Variants in RFFL observed in about 807,000 individuals in gnomAD.
RFFL encodes the protein ring finger and FYVE like domain containing E3 ubiquitin protein ligase.
A neutral mutation model predicts 40.4 loss-of-function variants in RFFL; 16 were observed. The observed-to-expected ratio is 0.40, with a 90% confidence interval of 0.27 to 0.60. The LOEUF is 0.60. Ranked by LOEUF, RFFL falls within the 20% of genes least tolerant of loss-of-function variation. RFFL has a pLI of 0.47. For missense variants in RFFL, 367 were observed against 451.7 expected, an observed-to-expected ratio of 0.81 and a Z score of 1.70; for synonymous variants, 154 against 167.9, an observed-to-expected ratio of 0.92 and a Z score of 0.64.
intron 1 of RFFL, among the ~76,000 whole-genome samples, chr17:35,052,108 A>T (rs1436176196): frequency 1.3e-5 from 2 of 152,194 alleles, no homozygotes; most frequent in Non-Finnish European, 2.9e-5. Flanking sequence ...TGAGGATTCA[A>T]TATTAACGGT....
chr17:35,085,338 T>A (rs898873950), intron 1 of RFFL, among the ~76,000 whole-genome samples: 2 of 152,240 alleles, frequency 1.3e-5, no homozygotes, highest in African/African-American at 4.8e-5. Context: ...GTAAAGTTAA[T>A]AAAGACTTTC....
chr17:35,080,977 CAT>C (rs2091400880), intron 1 of RFFL, among the ~76,000 whole-genome samples: 1 of 152,240 alleles, frequency 6.6e-6, no homozygotes, highest in Non-Finnish European at 1.5e-5. Context: ...AGTCAGATAA[CAT>C]TAGCTCAACA....
chr17:35,033,917 C>T lies in RFFL; in HGVS notation c.-8-7356G>A, dbSNP rs928489641. 3.3e-5 allele frequency among the ~76,000 whole-genome samples: 5 copies of T among 151,782 alleles called. No individual in the cohort carries two copies. In the East Asian group the frequency reaches 9.7e-4, roughly 30 times the overall value. ...CAGCACTCTGGGAGGCCGAGGTGGG[C>T]GGATCACGAGGTCAGGAGATCGAGA... is the stretch of plus-strand genomic sequence containing the variant. On this transcript the variant is annotated intron_variant, in intron 1 of 6. Transcript: ENST00000394597.
At chr17:35,045,923 G>C (rs1166669959) in intron 1 of RFFL, among the ~76,000 whole-genome samples, 3 of 151,870 alleles carry the variant, frequency 2.0e-5, no homozygotes, top group Non-Finnish European at 4.4e-5. Flanking sequence ...CTACTCGGGA[G>C]GCTGAGGCAG....
At chr17:35,075,896 G>A (rs1453745343) in intron 1 of RFFL, among the ~76,000 whole-genome samples, 1 of 150,800 alleles carries the variant, frequency 6.6e-6, no homozygotes, top group Non-Finnish European at 1.5e-5. Context: ...TACAGGCCAA[G>A]AAGTTAGAAA....
intron 1 of RFFL, among the ~76,000 whole-genome samples, chr17:35,062,775 C>T (rs1231968653): frequency 2.0e-5 from 3 of 152,234 alleles, no homozygotes; most frequent in South Asian, 2.1e-4. Context: ...GTGACGACTA[C>T]CTAGAGATAT....
intron 1 of RFFL, among the ~76,000 whole-genome samples, chr17:35,083,680 C>T (rs1048476070): frequency 1.3e-5 from 2 of 151,402 alleles, no homozygotes; most frequent in Non-Finnish European, 2.9e-5. Context: ...ACTTGGGAGG[C>T]TGAGGCAGGA....
At position 35,014,791 on chromosome 17, in the gene RFFL, A is replaced by G; in HGVS notation, c.887-28T>C. 3.1e-6 allele frequency: 5 copies of G among 1,607,594 alleles called. No homozygotes were observed. In the South Asian group the frequency reaches 3.3e-5, roughly 11 times the overall value. Reference sequence around the variant, plus strand: ...GAAAAGGAAAGAGAAGGATGTCTGAATAGGTAAGGCATGATGGTACAAATA... The same window carrying G: ...GAAAAGGAAAGAGAAGGATGTCTGAGTAGGTAAGGCATGATGGTACAAATA... On this transcript the variant is annotated intron_variant, in intron 5 of 6. Transcript: ENST00000394597.
chr17:35,067,591 G>A (rs1246232677), upstream of RFFL, among the ~76,000 whole-genome samples: 5 of 150,010 alleles, frequency 3.3e-5, no homozygotes, highest in Non-Finnish European at 7.4e-5. Flanking sequence ...TCAAGTAGGT[G>A]GGATTACTAT....
intron 1 of RFFL, among the ~76,000 whole-genome samples, chr17:35,083,686 C>A (rs2142388886): frequency 6.6e-6 from 1 of 151,142 alleles, no homozygotes; most frequent in African/African-American, 2.4e-5. Context: ...GAGGCTGAGG[C>A]AGGAGAACTG....
At chr17:35,024,295 C>T (rs1166780836) in intron 2 of RFFL, among the ~76,000 whole-genome samples, 1 of 152,138 alleles carries the variant, frequency 6.6e-6, no homozygotes, top group African/African-American at 2.4e-5. Context: ...AACCTTAGCA[C>T]AAAGTGGATG....
intron 1 of RFFL, among the ~76,000 whole-genome samples, chr17:35,072,080 A>G (rs2091353513): frequency 6.6e-6 from 1 of 152,164 alleles, no homozygotes; most frequent in Non-Finnish European, 1.5e-5. Flanking sequence ...CAGGAGTTCA[A>G]GACCAGCCTG....
chr17:35,057,332 C>G (rs1567712737), intron 1 of RFFL, among the ~76,000 whole-genome samples: 1 of 152,046 alleles, frequency 6.6e-6, no homozygotes, highest in South Asian at 2.1e-4. Context: ...CCACTTCACT[C>G]ACCTTGCTCT....
At chr17:35,060,805 A>C (rs1238377653) in intron 1 of RFFL, among the ~76,000 whole-genome samples, 1 of 152,122 alleles carries the variant, frequency 6.6e-6, no homozygotes, top group African/African-American at 2.4e-5. Context: ...CACGTCAGCC[A>C]CTCTCTCTGA....
chr17:35,077,520 G>T (rs191686197), intron 1 of RFFL, among the ~76,000 whole-genome samples: 1 of 152,330 alleles, frequency 6.6e-6, no homozygotes, highest in Admixed American at 6.5e-5. Context: ...CAGATTAGGG[G>T]TGAAGGGAAA....
At chr17:35,061,504 C>A (rs1426414609) in intron 1 of RFFL, among the ~76,000 whole-genome samples, 2 of 152,156 alleles carry the variant, frequency 1.3e-5, no homozygotes, top group African/African-American at 4.8e-5. Flanking sequence ...TGTGCCTAGG[C>A]TGGAGTTCAG....
At chr17:35,082,769 T>C (rs1309920626) in intron 1 of RFFL, among the ~76,000 whole-genome samples, 1 of 152,190 alleles carries the variant, frequency 6.6e-6, no homozygotes, top group African/African-American at 2.4e-5. Context: ...CCTTGCATAT[T>C]TTCCCCCTTT....
rs1597817547 is a variant in RFFL at position 35,026,664 on chromosome 17, A to C, written c.-8-103T>G. Reference sequence around the variant, plus strand: ...GTGAGCAGTGACACTCAATGCACGCATGCCACCAAGGTGGAGGGGAGGATG... The same window carrying C: ...GTGAGCAGTGACACTCAATGCACGCCTGCCACCAAGGTGGAGGGGAGGATG... On this transcript the variant is annotated intron_variant, in intron 1 of 6. Coordinates refer to ENST00000394597, the MANE Select transcript of RFFL (RefSeq NM_001017368.2). The C allele has an allele frequency of 1.0e-5, 9 of 861,930 alleles. No homozygotes were observed. The South Asian group carries it at 1.3e-4, about 12-fold the overall frequency. The allele number at this position is 861,930 out of a possible 1,614,324, so 53.4% of individuals were successfully genotyped here. A position where few individuals can be genotyped will look rare whatever the true frequency, so the allele number is the denominator to read the frequency against.
At chr17:35,040,657 C>T (rs907565418) in intron 1 of RFFL, among the ~76,000 whole-genome samples, 2 of 151,058 alleles carry the variant, frequency 1.3e-5, no homozygotes, top group African/African-American at 2.4e-5. Flanking sequence ...ATCAAAGATG[C>T]ATAAATTCCT....
Sources: gnomAD v4.1 joint callset for allele counts (sites outside exome capture counted in the v4.1 genomes callset) on GRCh38, gnomAD v4.1.1 for gene constraint, MANE v1.5 for transcripts, NCBI Gene and HGNC (gene_info 2026-07-23, HGNC 2026-07-21) for gene names.